GINS1: variants seen among roughly 807,000 people sequenced by gnomAD.
The protein encoded by GINS1 is DNA replication complex GINS protein PSF1.
A neutral mutation model predicts 34.9 loss-of-function variants in GINS1; 26 were observed. The ratio of observed to expected loss-of-function variants is 0.74; its 90% CI spans 0.55 to 1.03. GINS1 has a LOEUF of 1.03. Ranked by LOEUF, GINS1 falls within the 50% of genes least tolerant of loss-of-function variation. The probability of loss-of-function intolerance (pLI) is 0.00; values close to 1 mark genes in which losing one functional copy is unlikely to be tolerated. For synonymous variants in GINS1, 97 were observed against 84.4 expected, an observed-to-expected ratio of 1.15 and a Z score of -0.82; for missense variants, 235 against 237.9, an observed-to-expected ratio of 0.99 and a Z score of 0.08.
chr20:25,431,469 G>A (rs886360449), intron 5 of GINS1, among the ~76,000 whole-genome samples: 1 of 151,064 alleles, frequency 6.6e-6, no homozygotes, highest in African/African-American at 2.4e-5. Context: ...TCTTTTTCTG[G>A]TTCCTTAAGA....
chr20:25,440,876 G>T (rs527927596), intron 5 of GINS1, among the ~76,000 whole-genome samples: 1 of 151,638 alleles, frequency 6.6e-6, no homozygotes, highest in South Asian at 2.1e-4. Context: ...GGATTTTTCT[G>T]GAGTGGTATT....
At chr20:25,438,925 AG>A (rs1198951607) in intron 5 of GINS1, among the ~76,000 whole-genome samples, 2 of 152,182 alleles carry the variant, frequency 1.3e-5, no homozygotes, top group Admixed American at 1.3e-4. Context: ...GGAGAATGTG[AG>A]GGATCCAACT....
intron 6 of GINS1, among the ~76,000 whole-genome samples, chr20:25,444,442 A>G (rs56165312): frequency 0.013 from 1,904 of 152,238 alleles, 35 homozygotes; most frequent in African/African-American, 0.04. Flanking sequence ...TGAACAACTC[A>G]GTTATTTTGT....
At chr20:25,419,216 G>A (rs2090339383) in intron 4 of GINS1, among the ~76,000 whole-genome samples, 1 of 152,050 alleles carries the variant, frequency 6.6e-6, no homozygotes, top group Non-Finnish European at 1.5e-5. Context: ...AATGTTAACA[G>A]TTACTACATT....
chr20:25,437,216 A>C (rs895377815), intron 5 of GINS1, among the ~76,000 whole-genome samples: 1 of 152,242 alleles, frequency 6.6e-6, no homozygotes, highest in Non-Finnish European at 1.5e-5. Context: ...CCTGGAATTC[A>C]CTTCAGTGGA....
chr20:25,410,296 G>A (rs191768465), intron 1 of GINS1, among the ~76,000 whole-genome samples: 1 of 151,910 alleles, frequency 6.6e-6, no homozygotes, highest in African/African-American at 2.4e-5. Context: ...AGCCAAGATC[G>A]GGTCACTGCA....
intron 4 of GINS1, chr20:25,420,901 G>A (rs1444299609): frequency 2.0e-6 from 2 of 979,686 alleles, no homozygotes; most frequent in African/African-American, 3.5e-5. Flanking sequence ...GATAAACTCT[G>A]TAGTAGACCA....
intron 5 of GINS1, among the ~76,000 whole-genome samples, chr20:25,432,745 G>A (rs1045223627): frequency 6.6e-6 from 1 of 151,860 alleles, no homozygotes; most frequent in African/African-American, 2.4e-5. Flanking sequence ...GGGATTACAG[G>A]CGTGAGCCAC....
intron 5 of GINS1, among the ~76,000 whole-genome samples, chr20:25,435,809 A>C (rs1212673333): frequency 3.3e-5 from 3 of 91,078 alleles, no homozygotes; most frequent in South Asian, 3.6e-4. Context: ...GTAGAGTTAC[A>C]CTTTTTTTTT....
chr20:25,442,580 G>A (rs186702843), intron 6 of GINS1, among the ~76,000 whole-genome samples: 7 of 150,534 alleles, frequency 4.7e-5, no homozygotes, highest in South Asian at 4.2e-4. Flanking sequence ...ATGAATTCAC[G>A]TTAACTATAT....
At chr20:25,428,237 T>C (rs180734488) in intron 5 of GINS1, among the ~76,000 whole-genome samples, 48 of 152,062 alleles carry the variant, frequency 3.2e-4, no homozygotes, top group African/African-American at 1.1e-3. Context: ...CTAAATACAA[T>C]GTCATAAAAC....
chr20:25,429,500 A>G (rs1158523893), intron 5 of GINS1, among the ~76,000 whole-genome samples: 1 of 152,094 alleles, frequency 6.6e-6, no homozygotes, highest in Admixed American at 6.5e-5. Context: ...TTTCTTCAGC[A>G]GTGTTTTTTA....
At chr20:25,412,481 G>C (rs6037113) in intron 1 of GINS1, among the ~76,000 whole-genome samples, 1 of 152,008 alleles carries the variant, frequency 6.6e-6, no homozygotes, top group Non-Finnish European at 1.5e-5. Context: ...CTTGAACCCA[G>C]GAGGCAGAGG....
At chr20:25,425,547 A>G (rs2090386095) in intron 5 of GINS1, among the ~76,000 whole-genome samples, 1 of 152,226 alleles carries the variant, frequency 6.6e-6, no homozygotes, top group Admixed American at 6.5e-5. Context: ...GGAACCCTAT[A>G]AATGTTTTAG....
At chr20:25,442,352 C>CTG (rs1258410273) in intron 6 of GINS1, among the ~76,000 whole-genome samples, 1 of 151,792 alleles carries the variant, frequency 6.6e-6, no homozygotes, top group African/African-American at 2.4e-5. Flanking sequence ...GTCTGTCTGT[C>CTG]TGTCTGTCTG....
Position 25,441,505 on chromosome 20 carries a change from C to T in GINS1, c.448-197C>T, listed in dbSNP as rs78343582. 6.6e-3 allele frequency among the ~76,000 whole-genome samples: 1,003 copies of T among 152,256 alleles called. 12 individuals are homozygous for T. Among genetic ancestry groups the T allele is most frequent in the African/African-American group, 0.021 (889 of 41,542 alleles). Reference sequence around the variant, plus strand: ...CTGACATTTACTAGCAGAGATTTTGCGGTTCTTCTTCCTCCCTGTCAAAAC... The same window carrying T: ...CTGACATTTACTAGCAGAGATTTTGTGGTTCTTCTTCCTCCCTGTCAAAAC... On this transcript the variant is annotated intron_variant, in intron 5 of 6. Transcript: ENST00000262460.
At chr20:25,435,979 A>AT (rs71183401) in intron 5 of GINS1, among the ~76,000 whole-genome samples, 390 of 138,452 alleles carry the variant, frequency 2.8e-3, no homozygotes, top group African/African-American at 4.4e-3. Flanking sequence ...TGCCCAGCTA[A>AT]TTTTTTTTTT....
intron 5 of GINS1, among the ~76,000 whole-genome samples, chr20:25,441,351 T>C (rs6050618): frequency 0.027 from 4,131 of 152,324 alleles, 181 homozygotes; most frequent in African/African-American, 0.091. Flanking sequence ...GGGAGGGATC[T>C]ATAAGAAGCA....
chr20:25,408,721 A>G (rs1466709336), intron 1 of GINS1, among the ~76,000 whole-genome samples: 1 of 152,132 alleles, frequency 6.6e-6, no homozygotes, highest in African/African-American at 2.4e-5. Context: ...TGATGTTTAA[A>G]CTATTGTTTT....
Sources: allele counts gnomAD v4.1 joint callset (sites outside exome capture counted in the v4.1 genomes callset), GRCh38; gene constraint gnomAD v4.1.1; transcripts MANE v1.5; gene names NCBI Gene and HGNC (gene_info 2026-07-23, HGNC 2026-07-21).